SGIP1: variants seen among roughly 807,000 people sequenced by gnomAD.
The protein encoded by SGIP1 is SH3GL interacting endocytic adaptor 1.
A neutral mutation model predicts 107.5 loss-of-function variants in SGIP1; 38 were observed. The observed-to-expected ratio is 0.35, with a 90% CI of 0.27 to 0.46. SGIP1 has a LOEUF of 0.46. Ranked by LOEUF, SGIP1 falls within the 20% of genes least tolerant of loss-of-function variation. The pLI is 1.00. For synonymous variants in SGIP1, 365 were observed against 366.1 expected (o/e 1.00, Z 0.03); for missense variants, 929 against 1,019.5 (o/e 0.91, Z 1.21).
intron 21 of SGIP1, among the ~76,000 whole-genome samples, chr1:66,737,892 G>T (rs913771292): frequency 2.0e-5 from 3 of 152,030 alleles, no homozygotes; most frequent in Non-Finnish European, 4.4e-5. Context: ...CCCTTAAATT[G>T]CAGCATGTTT....
chr1:66,748,519 GT>G lies in SGIP1; in HGVS notation c.*5426del, dbSNP rs1204347513. On this transcript the variant is annotated 3_prime_UTR_variant, in exon 25 of 25. Transcript: ENST00000371037. ...GTCTATGAGGAAAAGACACCTATTTGTTGGCATTGACCATGGGTATAATAAT... is the reference window on the plus strand; with the variant it reads ...GTCTATGAGGAAAAGACACCTATTTGTGGCATTGACCATGGGTATAATAAT... Among the ~76,000 whole-genome samples the G allele has an allele frequency of 6.6e-6, 1 of 151,892 alleles. No homozygotes were observed. The highest frequency in any genetic ancestry group is 1.5e-5 in the Non-Finnish European group (1 of 67,816).
At chr1:66,536,354 T>G (rs2053602232) in intron 1 of SGIP1, among the ~76,000 whole-genome samples, 1 of 152,216 alleles carries the variant, frequency 6.6e-6, no homozygotes, top group South Asian at 2.1e-4. Context: ...TAACATTTAT[T>G]TCTACCCATA....
At chr1:66,597,766 C>T (rs548108285) in intron 1 of SGIP1, among the ~76,000 whole-genome samples, 4 of 152,088 alleles carry the variant, frequency 2.6e-5, no homozygotes, top group African/African-American at 7.2e-5. Context: ...TACTCTATCC[C>T]CTGTCCATGC....
chr1:66,634,209 C>T (rs878893131), intron 3 of SGIP1: 5 of 1,504,820 alleles, frequency 3.3e-6, no homozygotes, highest in Non-Finnish European at 4.6e-6. Context: ...GCTTGGTCCC[C>T]TCCCTGGGTT....
rs117082924 is a variant in SGIP1, at chr1:66,582,525, A to G, written c.11-43322A>G. Among the ~76,000 whole-genome samples the G allele has an allele frequency of 7.4e-3, 1,128 of 151,946 alleles. 44 individuals carry two copies. The South Asian group carries it at 0.087, about 12-fold the overall frequency. On this transcript the variant is annotated intron_variant, in intron 1 of 24. Coordinates refer to ENST00000371037, the MANE Select transcript of SGIP1 (RefSeq NM_032291.4). The stretch of plus-strand genomic sequence containing the variant: ...GGAAAATACACTTCAGTGGCTGAAG[A>G]TGATTTTTTTTTTTTGTAAAGGGCT...
rs751453805 is a variant in SGIP1 at position 66,750,032 on chromosome 1, TGG to T, written c.*6941_*6942del. Reference sequence around the variant, plus strand: ...CTCTCTCTCTTTCTCTGTGTGTGTGTGGGGGTGTGTGTGTGTGTGTGTGTGTG... The same window carrying T: ...CTCTCTCTCTTTCTCTGTGTGTGTGTGGGTGTGTGTGTGTGTGTGTGTGTG... On this transcript the variant is annotated 3_prime_UTR_variant, in exon 25 of 25. Transcript: ENST00000371037. Among the ~76,000 whole-genome samples the T allele has an allele frequency of 5.5e-3, 494 of 89,618 alleles. 3 individuals are homozygous for T. Among genetic ancestry groups the T allele is most frequent in the African/African-American group, 0.017 (339 of 19,494 alleles). 58.8% of individuals were successfully genotyped at this position (89,618 alleles called of 152,430 possible).
intron 7 of SGIP1, among the ~76,000 whole-genome samples, chr1:66,649,435 G>A (rs958208049): frequency 6.6e-6 from 1 of 152,156 alleles, no homozygotes; most frequent in African/African-American, 2.4e-5. Flanking sequence ...CTTTCTGTCT[G>A]AAATGGGACA....
At chr1:66,712,322 G>A (rs10889649) in intron 18 of SGIP1, among the ~76,000 whole-genome samples, 40,823 of 152,098 alleles carry the variant, frequency 0.27, 5,691 homozygotes, top group South Asian at 0.32. Flanking sequence ...TTCATGAGCT[G>A]GCTTTGATGA....
At position 66,734,262 on chromosome 1, in the gene SGIP1, C is replaced by T. The variant is rs2094137526; in HGVS notation, c.2031+382C>T. 2.0e-5 allele frequency among the ~76,000 whole-genome samples: 3 copies of T among 151,986 alleles called. No individual in the cohort carries two copies. The South Asian group carries it at 6.2e-4, about 32-fold the overall frequency. On this transcript the variant is annotated intron_variant, in intron 21 of 24. Transcript: ENST00000371037. ...TAAATGATTCAAGGTACACAATCTG[C>T]TTTTGTTTTTCTAGTAAGATAGTCC...
chr1:66,592,897 C>CTTTTTTTTTTTTTTTTTTTTTTTTTT (rs35762612), intron 1 of SGIP1, among the ~76,000 whole-genome samples: 7 of 56,340 alleles, frequency 1.2e-4, no homozygotes, highest in African/African-American at 3.4e-4. Flanking sequence ...TCTTCTTCTT[C>CTTTTTTTTTTTTTTTTTTTTTTTTTT]TTTTTTTTTT....
chr1:66,710,739 A>G (rs2092859191), intron 18 of SGIP1, among the ~76,000 whole-genome samples: 1 of 152,194 alleles, frequency 6.6e-6, no homozygotes, highest in South Asian at 2.1e-4. Context: ...ATAGGATTCC[A>G]TGAAGTCAGT....
Position 66,659,950 on chromosome 1 carries a change from A to AAGAAAAAAAG in SGIP1, c.460-562_460-561insGAAAAAAAGA, listed in dbSNP as rs752459188. Among the ~76,000 whole-genome samples, 5 of 43,038 alleles carry AAGAAAAAAAG rather than the reference A, an allele frequency of 1.2e-4. 1 individual carries two copies. Among genetic ancestry groups the AAGAAAAAAAG allele is most frequent in the African/African-American group, 6.3e-4 (5 of 7,890 alleles). The allele number at this position is 43,038 out of a possible 152,430, so 28.2% of individuals were successfully genotyped here. ...AAAAAGAGAGAAAGAAAAAGAAAGA[A>AAGAAAAAAAG]AAAGAAAGAAAGAAAGAAAGAAAGA... On this transcript the variant is annotated intron_variant, in intron 7 of 24. Transcript: ENST00000371037.
intron 14 of SGIP1, 84 bp downstream of exon 14, chr1:66,679,836 A>C: frequency 8.3e-7 from 1 of 1,211,634 alleles, no homozygotes; most frequent in East Asian, 2.9e-5. Context: ...TGTGTTGAAA[A>C]CTGTAGGCTA....
At position 66,746,548 on chromosome 1, in the gene SGIP1, A is replaced by G. The variant is rs2094555303; in HGVS notation, c.*3453A>G. On this transcript the variant is annotated 3_prime_UTR_variant, in exon 25 of 25. Transcript: ENST00000371037. The stretch of plus-strand genomic sequence containing the variant: ...ACACAGTAATTGAATGATATACAAT[A>G]AAAACTGACAGAGTGTTTACCATGT... 6.6e-6 allele frequency: 1 copy of G among 152,164 alleles called. No homozygotes were observed. Among genetic ancestry groups the G allele is most frequent in the African/African-American group, 2.4e-5 (1 of 41,472 alleles). The allele number at this position is 152,164 out of a possible 1,614,324, so 9.4% of individuals were successfully genotyped here. A position where few individuals can be genotyped will look rare whatever the true frequency, so the allele number is the denominator to read the frequency against.
intron 7 of SGIP1, among the ~76,000 whole-genome samples, chr1:66,644,194 G>C (rs1397582003): frequency 6.6e-6 from 1 of 151,946 alleles, no homozygotes; most frequent in Non-Finnish European, 1.5e-5. Flanking sequence ...CCAAATCATA[G>C]TCTAAATCAA....
intron 15 of SGIP1, among the ~76,000 whole-genome samples, chr1:66,683,529 G>A (rs997620528): frequency 6.6e-6 from 1 of 151,964 alleles, no homozygotes; most frequent in Non-Finnish European, 1.5e-5. Flanking sequence ...CACAAAACCA[G>A]TGCTTTATAT....
At chr1:66,551,252 G>T (rs1249499866) in intron 1 of SGIP1, among the ~76,000 whole-genome samples, 1 of 152,136 alleles carries the variant, frequency 6.6e-6, no homozygotes, top group African/African-American at 2.4e-5. Context: ...AAACTTTAAT[G>T]AATGATGTTG....
chr1:66,665,090 A>G (rs1356139025), intron 8 of SGIP1, among the ~76,000 whole-genome samples: 1 of 152,104 alleles, frequency 6.6e-6, no homozygotes, highest in Non-Finnish European at 1.5e-5. Context: ...CATCATTTAC[A>G]TTAAGTATTT....
upstream of SGIP1, chr1:66,534,109 G>C: frequency 1.7e-6 from 1 of 581,166 alleles, no homozygotes; most frequent in Non-Finnish European, 3.1e-6. Context: ...CAGCGCAGGC[G>C]GTGCAGCTCG....
Sources: gnomAD v4.1 joint callset for allele counts (sites outside exome capture counted in the v4.1 genomes callset) on GRCh38, gnomAD v4.1.1 for gene constraint, MANE v1.5 for transcripts, NCBI Gene and HGNC (gene_info 2026-07-23, HGNC 2026-07-21) for gene names.